Variants in ZNF200 observed in about 807,000 individuals in gnomAD.
ZNF200 encodes the protein zinc finger protein 200.
A neutral mutation model predicts 33.6 loss-of-function variants in ZNF200; 35 were observed. The observed-to-expected ratio is 1.04, with a 90% CI of 0.80 to 1.38. The LOEUF is 1.38. ZNF200 is among the 40% of genes most tolerant of loss of function. The probability of loss-of-function intolerance (pLI) is 0.00; values close to 1 mark genes in which losing one functional copy is unlikely to be tolerated. For missense variants in ZNF200, 592 were observed against 470.6 expected (o/e 1.26, Z -2.39); for synonymous variants, 209 against 167.7 (o/e 1.25, Z -1.90).
intron 4 of ZNF200, chr16:3,224,891 C>T (rs1360454553): frequency 3.3e-5 from 13 of 392,966 alleles, no homozygotes; most frequent in African/African-American, 6.1e-5. Flanking sequence ...GTTAATTACT[C>T]GACAAGTTCA....
chr16:3,234,876 G>C (rs1958762337), intron 1 of ZNF200, 111 bp downstream of exon 1: 1 of 152,312 alleles, frequency 6.6e-6, no homozygotes, highest in African/African-American at 2.4e-5. Context: ...GTGCGCCCCT[G>C]CCTGAGGCGC....
chr16:3,232,450 T>C lies in ZNF200; in HGVS notation c.437A>G (p.Asp146Gly), dbSNP rs774609034. The C allele has an allele frequency of 1.2e-6, 2 of 1,614,130 alleles. No homozygotes were observed. The highest frequency in any genetic ancestry group is 1.7e-6 in the Non-Finnish European group (2 of 1,179,998). The change falls in exon 4 of 5, where the codon GAC becomes GGC. Residue 146 changes from aspartate to glycine, a missense_variant. By Grantham distance (94) the Asp-to-Gly change is moderately conservative. Coordinates refer to ENST00000414144, the MANE Select transcript of ZNF200 (RefSeq NM_198088.3). ...TQQLTSEKED[D>G]SSVGEMMLLA... The stretch of plus-strand genomic sequence containing the variant: ...TAACATCATTTCCCCGACACTGCTG[T>C]CATCTTCCTTCTCTGACGTGAGTTG...
chr16:3,225,053 C>T (rs570768702), intron 4 of ZNF200: 2 of 159,936 alleles, frequency 1.3e-5, no homozygotes, highest in Non-Finnish European at 2.8e-5. Context: ...AATATTATCA[C>T]ACTATTATAG....
At chr16:3,233,372 T>C in intron 2 of ZNF200, 134 bp downstream of exon 2, 1 of 1,281,398 alleles carries the variant, frequency 7.8e-7, no homozygotes, top group Non-Finnish European at 1.0e-6. Flanking sequence ...AAGAACTTCC[T>C]CTTTCCAACA....
rs189361224 is a variant in ZNF200, at chr16:3,235,022, G to C, written c.-117C>G. 2.1e-3 allele frequency: 323 copies of C among 152,366 alleles called. 3 individuals carry two copies. The highest frequency in any genetic ancestry group is 7.5e-3 in the African/African-American group (311 of 41,570). The allele number at this position is 152,366 out of a possible 1,614,324, so 9.4% of individuals were successfully genotyped here. The stretch of plus-strand genomic sequence containing the variant: ...CTCTGCAGCCCCTGAGCGTTTGCTG[G>C]GGACGGCTCAGAGACTCAGGCTCCG... On this transcript the variant is annotated 5_prime_UTR_variant, in exon 1 of 5. Coordinates refer to ENST00000414144, the MANE Select transcript of ZNF200 (RefSeq NM_198088.3).
At chr16:3,228,899 T>G (rs1291849962) in intron 4 of ZNF200, among the ~76,000 whole-genome samples, 3 of 152,098 alleles carry the variant, frequency 2.0e-5, no homozygotes, top group Non-Finnish European at 4.4e-5. Context: ...AATTGCATAT[T>G]TTTTCTAGAA....
chr16:3,224,049 GTTTT>G lies in ZNF200; in HGVS notation c.1027_1030del (p.Lys343ProfsTer61). 6.2e-7 allele frequency: 1 copy of G among 1,614,104 alleles called. No homozygotes were observed. The highest frequency in any genetic ancestry group is 1.3e-5 in the African/African-American group (1 of 75,012). On this transcript the variant is annotated frameshift_variant, in exon 5 of 5. Coordinates refer to ENST00000414144, the MANE Select transcript of ZNF200 (RefSeq NM_198088.3). LOFTEE classifies it high-confidence loss of function. ...CACAAACTCCTCATTCTTTGGGAAG[GTTTT>G]CCCACATTCTGGACACTTAAATATC... is the stretch of plus-strand genomic sequence containing the variant.
rs1264580325 is a variant in ZNF200, at chr16:3,222,672, T to C, written c.*1220A>G. On this transcript the variant is annotated 3_prime_UTR_variant, in exon 5 of 5. Coordinates refer to ENST00000414144, the MANE Select transcript of ZNF200 (RefSeq NM_198088.3). Reference sequence around the variant, plus strand: ...AATCAAAACACCAATGTATAACTTTTGGAAACCTAAAGCAAGCAAAACTGA... The same window carrying C: ...AATCAAAACACCAATGTATAACTTTCGGAAACCTAAAGCAAGCAAAACTGA... 3.3e-5 allele frequency: 5 copies of C among 152,210 alleles called. No homozygotes were observed. Among genetic ancestry groups the C allele is most frequent in the Non-Finnish European group, 5.9e-5 (4 of 68,040 alleles). The allele number at this position is 152,210 out of a possible 1,614,324, so 9.4% of individuals were successfully genotyped here.
intron 2 of ZNF200, 125 bp downstream of exon 2, chr16:3,233,381 C>A: frequency 7.5e-7 from 1 of 1,334,736 alleles, no homozygotes; most frequent in African/African-American, 1.5e-5. Flanking sequence ...CTCTTTCCAA[C>A]ACTAGAATTG....
intron 4 of ZNF200, chr16:3,225,568 C>T (rs1476279165): frequency 6.6e-6 from 1 of 152,100 alleles, no homozygotes; most frequent in Non-Finnish European, 1.5e-5. Flanking sequence ...GTACAGGGCA[C>T]AAAAGGGATT....
chr16:3,233,836 G>A lies in ZNF200; in HGVS notation c.-81C>T. 6.6e-7 allele frequency: 1 copy of A among 1,517,876 alleles called. No homozygotes were observed. The highest frequency in any genetic ancestry group is 8.8e-7 in the Non-Finnish European group (1 of 1,134,904). 94.0% of individuals were successfully genotyped at this position (1,517,876 alleles called of 1,614,324 possible). A position where few individuals can be genotyped will look rare whatever the true frequency, so the allele number is the denominator to read the frequency against. ...TAGAGGAAATCTGCCAGAGAGCCAA[G>A]CTGTAGACAGAGAAACCAGGGATTA... On this transcript the variant is annotated splice_region_variant and 5_prime_UTR_variant, in exon 2 of 5. Coordinates refer to ENST00000414144, the MANE Select transcript of ZNF200 (RefSeq NM_198088.3).
At chr16:3,229,161 T>C (rs1258906983) in intron 4 of ZNF200, among the ~76,000 whole-genome samples, 2 of 151,860 alleles carry the variant, frequency 1.3e-5, no homozygotes, top group African/African-American at 4.8e-5. Flanking sequence ...CACCATTTTA[T>C]ATAATGAATT....
At chr16:3,234,060 G>A in intron 1 of ZNF200, 1 of 242,766 alleles carries the variant, frequency 4.1e-6, no homozygotes, top group South Asian at 5.4e-5. Context: ...CAAGTCCAAA[G>A]GGAAGGGAGT....
chr16:3,233,827 G>C lies in ZNF200; in HGVS notation c.-72C>G. 1 of 1,533,112 alleles carries C rather than the reference G, an allele frequency of 6.5e-7. No homozygotes were observed. The highest frequency in any genetic ancestry group is 2.0e-5 in the Admixed American group (1 of 48,812). 95.0% of individuals were successfully genotyped at this position (1,533,112 alleles called of 1,614,324 possible). A position where few individuals can be genotyped will look rare whatever the true frequency, so the allele number is the denominator to read the frequency against. The stretch of plus-strand genomic sequence containing the variant: ...ACCTCTTACTAGAGGAAATCTGCCA[G>C]AGAGCCAAGCTGTAGACAGAGAAAC... On this transcript the variant is annotated 5_prime_UTR_variant, in exon 2 of 5. Coordinates refer to ENST00000414144, the MANE Select transcript of ZNF200 (RefSeq NM_198088.3).
At chr16:3,232,619 GACAC>G in intron 3 of ZNF200, 72 bp from the exon 4 acceptor site, 2 of 1,581,836 alleles carry the variant, frequency 1.3e-6, no homozygotes, top group Non-Finnish European at 1.7e-6. Context: ...AAGAAAAGCT[GACAC>G]ACAAAGATCA....
Position 3,224,263 on chromosome 16 carries a change from T to C in ZNF200, c.817A>G (p.Thr273Ala), listed in dbSNP as rs773092012. 1.9e-6 allele frequency: 3 copies of C among 1,614,086 alleles called. No homozygotes were observed. The Admixed American group carries it at 5.0e-5, about 27-fold the overall frequency. Residue 273 changes from threonine to alanine, a missense_variant, in exon 5 of 5, where the codon ACC (threonine) becomes GCC (alanine). Coordinates refer to ENST00000414144, the MANE Select transcript of ZNF200 (RefSeq NM_198088.3). ...TCATAGGGTTTTTCTCCAGTGTGGG[T>C]CCTCTGGTGGGAAATGAGGTAAGAA... The part of the protein sequence containing the change: ...ESSYLISHQR[T>A]HTGEKPYDCN...
intron 4 of ZNF200, chr16:3,225,971 C>T (rs981402520): frequency 8.0e-5 from 12 of 149,764 alleles, no homozygotes; most frequent in Admixed American, 1.3e-4. Flanking sequence ...GTTTTGCACT[C>T]GTGTACTCAA....
chr16:3,232,411 G>T lies in ZNF200; in HGVS notation c.466+10C>A. 1 of 1,612,794 alleles carries T rather than the reference G, an allele frequency of 6.2e-7. No homozygotes were observed. The highest frequency in any genetic ancestry group is 8.5e-7 in the Non-Finnish European group (1 of 1,179,300). ...AACAACCTGAACACACAAAGGCTGT[G>T]ATTTCTTACCCAGTAACATCATTTC... On this transcript the variant is annotated intron_variant, in intron 4 of 4. Coordinates refer to ENST00000414144, the MANE Select transcript of ZNF200 (RefSeq NM_198088.3).
At chr16:3,232,351 G>C (rs1596341577) in intron 4 of ZNF200, 70 bp downstream of exon 4, 1 of 1,551,002 alleles carries the variant, frequency 6.4e-7, no homozygotes, top group East Asian at 2.3e-5. Flanking sequence ...GTCCCCCAAA[G>C]CTAAAGAGAT....
Sources: allele counts gnomAD v4.1 joint callset (sites outside exome capture counted in the v4.1 genomes callset), GRCh38; gene constraint gnomAD v4.1.1; transcripts MANE v1.5; gene names NCBI Gene and HGNC (gene_info 2026-07-23, HGNC 2026-07-21).